The following ZNF516 variants were observed in gnomAD, a reference collection of about 807,000 sequenced individuals.
ZNF516 encodes the protein zinc finger protein 516.
In ZNF516, 19 loss-of-function variants were observed where a neutral mutation model predicts 79.7. The ratio of observed to expected loss-of-function variants is 0.24; its 90% CI spans 0.17 to 0.35. ZNF516 has a LOEUF of 0.35. Among genes scored for constraint, ZNF516 ranks in the 10% least tolerant of loss-of-function variants. The pLI is 1.00. For missense variants in ZNF516, 1,678 were observed against 1,679.5 expected (o/e 1.00, Z 0.02); for synonymous variants, 877 against 739.5 (o/e 1.19, Z -3.02).
At chr18:76,463,389 C>T (rs1297727648) in intron 1 of ZNF516, among the ~76,000 whole-genome samples, 2 of 152,234 alleles carry the variant, frequency 1.3e-5, no homozygotes, top group Admixed American at 6.5e-5. Context: ...AGTCACAGCA[C>T]AAACGCAGCA....
At chr18:76,447,020 A>G (rs1912092359) in intron 2 of ZNF516, among the ~76,000 whole-genome samples, 1 of 152,254 alleles carries the variant, frequency 6.6e-6, no homozygotes, top group Non-Finnish European at 1.5e-5. Context: ...ACAGTTGACT[A>G]GCAAAGTTTC....
rs542778493 is a variant in ZNF516 at position 76,417,473 on chromosome 18, T to C, written c.1810+23772A>G. 4.6e-5 allele frequency among the ~76,000 whole-genome samples: 7 copies of C among 152,360 alleles called. No individual in the cohort carries two copies. In the East Asian group the frequency reaches 1.3e-3, roughly 29 times the overall value. On this transcript the variant is annotated intron_variant, in intron 3 of 6. Transcript: ENST00000443185. ...GATATTTACAAGTAATTTACCAATT[T>C]TTCTAGCACATGCTTTGTAAACATA...
At chr18:76,386,027 T>C (rs1344486178) in intron 3 of ZNF516, 1 of 152,232 alleles carries the variant, frequency 6.6e-6, no homozygotes, top group African/African-American at 2.4e-5. Context: ...ACTTCGTAAG[T>C]GTTTAGAATA....
chr18:76,482,092 A>C (rs1914554937), intron 1 of ZNF516, among the ~76,000 whole-genome samples: 1 of 152,242 alleles, frequency 6.6e-6, no homozygotes, highest in Non-Finnish European at 1.5e-5. Context: ...AGTTGACTTT[A>C]GCGCTAATGC....
At chr18:76,439,350 G>A (rs1020657048) in intron 3 of ZNF516, among the ~76,000 whole-genome samples, 16 of 152,132 alleles carry the variant, frequency 1.1e-4, no homozygotes, top group African/African-American at 3.6e-4. Context: ...TACACCTACA[G>A]GGCTCTTCCA....
chr18:76,440,396 A>G (rs1277852970), intron 3 of ZNF516, among the ~76,000 whole-genome samples: 2 of 152,244 alleles, frequency 1.3e-5, no homozygotes, highest in Non-Finnish European at 2.9e-5. Context: ...AGCAACAGTC[A>G]GTAACGGCGT....
intron 1 of ZNF516, among the ~76,000 whole-genome samples, chr18:76,465,571 A>G (rs970798679): frequency 2.0e-5 from 3 of 152,206 alleles, no homozygotes; most frequent in African/African-American, 7.2e-5. Flanking sequence ...TAACAGACAA[A>G]GGCAGGGCTG....
intron 6 of ZNF516, among the ~76,000 whole-genome samples, chr18:76,366,877 G>A (rs979362070): frequency 6.6e-6 from 1 of 152,178 alleles, no homozygotes; most frequent in African/African-American, 2.4e-5. Flanking sequence ...CTATGGTAGA[G>A]GATCAAAGTT....
chr18:76,436,468 G>A (rs1346762429), intron 3 of ZNF516, among the ~76,000 whole-genome samples: 1 of 152,114 alleles, frequency 6.6e-6, no homozygotes, highest in African/African-American at 2.4e-5. Flanking sequence ...GAGGACAAGC[G>A]CTCCTCCCAA....
chr18:76,456,958 C>T (rs936938125), intron 2 of ZNF516, among the ~76,000 whole-genome samples: 3 of 152,156 alleles, frequency 2.0e-5, no homozygotes, highest in Admixed American at 6.5e-5. Flanking sequence ...GGGTAAATCA[C>T]GCACAGGTAC....
At position 76,442,054 on chromosome 18, in the gene ZNF516, T is replaced by C. The variant is rs1361415704; in HGVS notation, c.1001A>G (p.Tyr334Cys). ...GTTCCCGCACTTGGCGCAGACCTCG[T>C]AGAGGCTCAGGCCGGCGACGATCAC... Reference protein sequence around the residue: ...EEVIVAGLSLYEVCAKCGNLF... With the variant: ...EEVIVAGLSLCEVCAKCGNLF... The change falls in exon 3 of 7, where the codon TAC becomes TGC. Residue 334 changes from tyrosine (Y) to cysteine (C), a missense_variant. Physicochemically the swap from Tyr to Cys is radical, Grantham distance 194. Around this residue, in one of 5 missense-constraint regions of ZNF516, gnomAD observed 1,294 missense variants for 1,248.3 expected, o/e 1.04. Coordinates refer to ENST00000443185, the MANE Select transcript of ZNF516 (RefSeq NM_014643.4). 9 of 1,613,884 alleles carry C rather than the reference T, an allele frequency of 5.6e-6. No homozygotes were observed. The highest frequency in any genetic ancestry group is 2.2e-5 in the East Asian group (1 of 44,894).
Position 76,370,567 on chromosome 18 carries a change from AC to A in ZNF516, c.3392del (p.Gly1131ValfsTer29). The A allele has an allele frequency of 6.2e-7, 1 of 1,607,242 alleles. No individual in the cohort carries two copies. The highest frequency in any genetic ancestry group is 8.5e-7 in the Non-Finnish European group (1 of 1,176,638). ...CTGCGGAGGTGGTATGAACTTCAGA[AC>A]CCCGAGGCCCATCGGACTCAAACAC... ...SVVFESDGPRGSEVHTTSADA... is the reference protein window; with the variant it reads ...SVVFESDGPRXSEVHTTSADA... On this transcript the variant is annotated frameshift_variant, in exon 6 of 7. Coordinates refer to ENST00000443185, the MANE Select transcript of ZNF516 (RefSeq NM_014643.4). LOFTEE classifies it high-confidence loss of function.
At chr18:76,416,350 A>G (rs1218421251) in intron 3 of ZNF516, among the ~76,000 whole-genome samples, 1 of 152,218 alleles carries the variant, frequency 6.6e-6, no homozygotes, top group East Asian at 1.9e-4. Context: ...CAAGTCTGTG[A>G]GAATGCTGTG....
At position 76,459,321 on chromosome 18, in the gene ZNF516, G is replaced by A. The variant is rs1247413973; in HGVS notation, c.-158+3707C>T. Among the ~76,000 whole-genome samples the A allele has an allele frequency of 1.3e-5, 2 of 152,210 alleles. No individual in the cohort carries two copies. The highest frequency in any genetic ancestry group is 2.9e-5 in the Non-Finnish European group (2 of 68,034). ...CTCGGGAAATCCTGGGCCGGTGACAGCCCTGACCCGTGGCCACCATCCACT... is the reference window on the plus strand; with the variant it reads ...CTCGGGAAATCCTGGGCCGGTGACAACCCTGACCCGTGGCCACCATCCACT... On this transcript the variant is annotated intron_variant, in intron 2 of 6. Transcript: ENST00000443185. This position sits in a 1 kb window ranked among gnomAD's most constrained non-coding sequence, Gnocchi z 5.0.
At chr18:76,469,387 T>C (rs1913691489) in intron 1 of ZNF516, among the ~76,000 whole-genome samples, 1 of 152,234 alleles carries the variant, frequency 6.6e-6, no homozygotes, top group African/African-American at 2.4e-5. Flanking sequence ...TCTGAATGTA[T>C]ACATTCCACA....
intron 4 of ZNF516, among the ~76,000 whole-genome samples, chr18:76,376,765 T>G (rs2074793535): frequency 1.3e-5 from 2 of 150,170 alleles, no homozygotes; most frequent in South Asian, 4.2e-4. Flanking sequence ...GGCAGGTTGT[T>G]TAGAACCTAG....
At chr18:76,488,023 C>T (rs1218825160) in intron 1 of ZNF516, 1 of 985,288 alleles carries the variant, frequency 1.0e-6, no homozygotes, top group African/African-American at 1.7e-5. Context: ...CAAATAATCA[C>T]TGCTGCACAA....
intron 1 of ZNF516, among the ~76,000 whole-genome samples, chr18:76,480,333 T>C (rs1203241239): frequency 1.3e-5 from 2 of 152,140 alleles, no homozygotes; most frequent in African/African-American, 4.8e-5. Flanking sequence ...CGTAAAGTGA[T>C]AGACATAGCG....
chr18:76,371,569 T>C lies in ZNF516; in HGVS notation c.3262A>G (p.Thr1088Ala). 2 of 1,609,148 alleles carry C rather than the reference T, an allele frequency of 1.2e-6. No individual in the cohort carries two copies. Among genetic ancestry groups the C allele is most frequent in the Non-Finnish European group, 1.7e-6 (2 of 1,179,432 alleles). Residue 1088 changes from threonine to alanine, a missense_variant and splice_region_variant, in exon 5 of 7, where the codon ACA (threonine) becomes GCA (alanine). By Grantham distance (58) the Thr-to-Ala change is moderately conservative. This residue lies in a region of ZNF516 where 1,294 missense variants were observed against 1,248.3 expected (regional missense o/e 1.04). Coordinates refer to ENST00000443185, the MANE Select transcript of ZNF516 (RefSeq NM_014643.4). ...VSGPGLEHRG[T>A]LRTQARPGEF... Reference sequence around the variant, plus strand: ...CCTGGCCGGGCCTGCGTCCGGAGTGTCCCTGCGGTGGCGAGGTGGTGGTGG... The same window carrying C: ...CCTGGCCGGGCCTGCGTCCGGAGTGCCCCTGCGGTGGCGAGGTGGTGGTGG...
Sources: allele counts gnomAD v4.1 joint callset (sites outside exome capture counted in the v4.1 genomes callset), GRCh38; gene constraint gnomAD v4.1.1; regional missense constraint gnomAD v4.1.1; non-coding constraint Gnocchi (gnomAD v3.1); transcripts MANE v1.5; gene names NCBI Gene and HGNC (gene_info 2026-07-23, HGNC 2026-07-21).